The following TENM2 variants were observed in gnomAD, a reference collection of about 807,000 sequenced individuals.
TENM2 encodes teneurin transmembrane protein 2.
TENM2 carries 52 observed loss-of-function variants against 245.2 expected under a neutral mutation model. That is an observed-to-expected ratio of 0.21 (90% CI 0.17 to 0.27). TENM2 has a LOEUF of 0.27. Among genes scored for constraint, TENM2 ranks in the 10% least tolerant of loss-of-function variants. TENM2 has a pLI of 1.00. For missense variants in TENM2, 3,046 were observed against 3,666.8 expected, an observed-to-expected ratio of 0.83 and a Z score of 4.37; for synonymous variants, 1,363 against 1,438.9, an observed-to-expected ratio of 0.95 and a Z score of 1.19.
intron 6 of TENM2, among the ~76,000 whole-genome samples, chr5:168,049,825 C>G (rs11949003): frequency 0.013 from 2,008 of 152,176 alleles, 39 homozygotes; most frequent in African/African-American, 0.045. Context: ...TTGTTTGAGA[C>G]AGAGTCTCAC....
intron 3 of TENM2, among the ~76,000 whole-genome samples, chr5:167,898,481 G>A (rs960224424): frequency 9.9e-5 from 15 of 152,184 alleles, no homozygotes; most frequent in African/African-American, 3.6e-4. Flanking sequence ...CAATGTAAAT[G>A]CCGGGATGCC....
At chr5:167,835,736 A>G (rs1295248543) in intron 2 of TENM2, among the ~76,000 whole-genome samples, 1 of 152,212 alleles carries the variant, frequency 6.6e-6, no homozygotes, top group Admixed American at 6.5e-5. Context: ...AAAAAATCAA[A>G]AACCTTGGAA....
At chr5:167,041,582 TAA>T in the TENM2 span, among the ~76,000 whole-genome samples, 1 of 152,196 alleles carries the variant, frequency 6.6e-6, no homozygotes, top group African/African-American at 2.4e-5. Flanking sequence ...TTAGCTTTAA[TAA>T]AAGAGTCTTG....
At chr5:168,059,167 G>A (rs184632545) in intron 6 of TENM2, among the ~76,000 whole-genome samples, 1 of 152,304 alleles carries the variant, frequency 6.6e-6, no homozygotes, top group East Asian at 1.9e-4. Flanking sequence ...GTGTCCTGAG[G>A]CCAGGGTGTA....
At chr5:167,929,731 A>C (rs575104777) in intron 3 of TENM2, among the ~76,000 whole-genome samples, 2 of 152,298 alleles carry the variant, frequency 1.3e-5, no homozygotes, top group South Asian at 2.1e-4. Context: ...GATGTTCCTC[A>C]GTGATCTTAT....
Position 167,929,130 on chromosome 5 carries a change from A to G in TENM2, c.713-23458A>G, listed in dbSNP as rs977934002. On this transcript the variant is annotated intron_variant, in intron 3 of 28. Transcript: ENST00000518659. ...GAAAGAAAGAAAGAAAGAAAGAAAG[A>G]AAAGAAAGAAGGGAGGGAGGGAGGG... Among the ~76,000 whole-genome samples the G allele has an allele frequency of 3.0e-5, 4 of 131,536 alleles. No individual in the cohort carries two copies. The South Asian group carries it at 8.1e-4, about 26-fold the overall frequency. 86.3% of individuals were successfully genotyped at this position (131,536 alleles called of 152,430 possible).
chr5:167,533,019 A>C (rs1434256743), intron 2 of TENM2, among the ~76,000 whole-genome samples: 1 of 152,108 alleles, frequency 6.6e-6, no homozygotes, highest in Admixed American at 6.6e-5. Flanking sequence ...TCTTCCTCCT[A>C]AATCAAAATT....
the TENM2 span, among the ~76,000 whole-genome samples, chr5:167,020,087 A>T: frequency 6.6e-6 from 1 of 152,194 alleles, no homozygotes; most frequent in Non-Finnish European, 1.5e-5. Flanking sequence ...CTCACCTAGT[A>T]TTAAAGTTTA....
At chr5:167,295,489 A>G (rs1317188787) in intron 1 of TENM2, among the ~76,000 whole-genome samples, 1 of 152,172 alleles carries the variant, frequency 6.6e-6, no homozygotes, top group Non-Finnish European at 1.5e-5. Context: ...AACCTTTGGG[A>G]AAACTGCACA....
chr5:167,929,031 A>T, intron 3 of TENM2, among the ~76,000 whole-genome samples: 1 of 141,552 alleles, frequency 7.1e-6, no homozygotes. Context: ...AAAGGAAAGA[A>T]AGAAAGAAAA....
intron 2 of TENM2, among the ~76,000 whole-genome samples, chr5:167,497,962 A>G (rs1164435412): frequency 6.6e-6 from 1 of 152,030 alleles, no homozygotes. Context: ...TACACCTCTA[A>G]TCAAAACTAT....
At chr5:167,160,614 C>G in the TENM2 span, among the ~76,000 whole-genome samples, 2 of 152,370 alleles carry the variant, frequency 1.3e-5, no homozygotes, top group South Asian at 2.1e-4. Flanking sequence ...TTAATTGTCA[C>G]TTCCTCAGAG....
chr5:167,058,465 T>C, the TENM2 span, among the ~76,000 whole-genome samples: 1 of 152,206 alleles, frequency 6.6e-6, no homozygotes, highest in African/African-American at 2.4e-5. Context: ...TCTTAGAAAG[T>C]ATACAATTTT....
chr5:167,678,148 A>T (rs918107590), intron 2 of TENM2, among the ~76,000 whole-genome samples: 10 of 152,138 alleles, frequency 6.6e-5, no homozygotes, highest in African/African-American at 2.2e-4. Context: ...AATATCTGCC[A>T]TAAAATTATG....
intron 2 of TENM2, among the ~76,000 whole-genome samples, chr5:167,698,125 C>G (rs1024136680): frequency 8.5e-5 from 13 of 152,120 alleles, no homozygotes; most frequent in Admixed American, 2.6e-4. Context: ...GTGTTCAGAT[C>G]TGATTACCCT....
chr5:167,264,373 T>C, the TENM2 span, among the ~76,000 whole-genome samples: 3 of 152,218 alleles, frequency 2.0e-5, no homozygotes, highest in African/African-American at 4.8e-5. Flanking sequence ...CAGCTTCTTA[T>C]TTTTCGTAAA....
At chr5:167,725,174 T>G (rs77128271) in intron 2 of TENM2, among the ~76,000 whole-genome samples, 1 of 152,166 alleles carries the variant, frequency 6.6e-6, no homozygotes, top group Non-Finnish European at 1.5e-5. Flanking sequence ...AATAAATTTT[T>G]TTTTTACCCC....
At chr5:168,185,921 T>G (rs1760352522) in intron 13 of TENM2, among the ~76,000 whole-genome samples, 1 of 8,784 alleles carries the variant, frequency 1.1e-4, no homozygotes. Context: ...CTGACATATA[T>G]ATATATATAT....
chr5:167,296,889 G>A (rs918246800), intron 1 of TENM2, among the ~76,000 whole-genome samples: 16 of 152,176 alleles, frequency 1.1e-4, no homozygotes, highest in African/African-American at 3.9e-4. Context: ...GCAGTAAGGG[G>A]ACAATGACTG....
Sources: gnomAD v4.1 joint callset for allele counts (sites outside exome capture counted in the v4.1 genomes callset) on GRCh38, gnomAD v4.1.1 for gene constraint, MANE v1.5 for transcripts, NCBI Gene and HGNC (gene_info 2026-07-23, HGNC 2026-07-21) for gene names.